The following YWHAQ variants were observed in gnomAD, a reference collection of about 807,000 sequenced individuals.
YWHAQ encodes the protein 14-3-3 protein theta.
Under a neutral mutation model 28.3 loss-of-function variants are expected in YWHAQ, and 6 were observed. The observed-to-expected ratio is 0.21, with a 90% CI of 0.12 to 0.42. The LOEUF is 0.42. Ranked by LOEUF, YWHAQ falls within the 10% of genes least tolerant of loss-of-function variation. The pLI is 1.00. For synonymous variants in YWHAQ, 143 were observed against 119.1 expected, an observed-to-expected ratio of 1.20 and a Z score of -1.31; for missense variants, 201 against 305.6, an observed-to-expected ratio of 0.66 and a Z score of 2.55.
intron 2 of YWHAQ, among the ~76,000 whole-genome samples, chr2:9,608,961 A>AAACAAACAAAAAT (rs1223359604): frequency 6.6e-6 from 1 of 152,166 alleles, no homozygotes; most frequent in Non-Finnish European, 1.5e-5. Flanking sequence ...ACAAACAAAC[A>AAACAAACAAAAAT]AACAAAAATA....
At chr2:9,592,724 AAAAAACAAAAAC>A (rs554575086) in intron 2 of YWHAQ, among the ~76,000 whole-genome samples, 2 of 152,150 alleles carry the variant, frequency 1.3e-5, no homozygotes, top group Non-Finnish European at 2.9e-5. Flanking sequence ...ACTCCATCTC[AAAAAACAAAAAC>A]AAAAACAAAA....
intron 2 of YWHAQ, among the ~76,000 whole-genome samples, chr2:9,603,643 C>A (rs1312644206): frequency 2.6e-5 from 4 of 151,638 alleles, no homozygotes; most frequent in Non-Finnish European, 5.9e-5. Flanking sequence ...ATAAAATAGG[C>A]CAGGCATGGT....
At chr2:9,620,460 T>C (rs1046492999) in intron 2 of YWHAQ, among the ~76,000 whole-genome samples, 4 of 152,346 alleles carry the variant, frequency 2.6e-5, no homozygotes, top group African/African-American at 7.2e-5. Flanking sequence ...CCTGACTTAC[T>C]GCCTCCAAAA....
At chr2:9,624,751 C>CTT (rs368023264) in intron 2 of YWHAQ, among the ~76,000 whole-genome samples, 13 of 146,054 alleles carry the variant, frequency 8.9e-5, no homozygotes, top group Non-Finnish European at 1.7e-4. Flanking sequence ...CTATTTCACT[C>CTT]TTTTTTTTTT....
Position 9,630,505 on chromosome 2 carries a change from G to A in YWHAQ, c.-53C>T. On this transcript the variant is annotated 5_prime_UTR_variant, in exon 2 of 6. Coordinates refer to ENST00000238081, the MANE Select transcript of YWHAQ (RefSeq NM_006826.4). The surrounding 1 kb of genome is among the most constrained non-coding windows in gnomAD (Gnocchi z 5.6). ...GAGGGCGAGGAGAGCGAGGGCGAGCGCCGACCCGCAGCGGGAGGAGCCTCG... is the reference window on the plus strand; with the variant it reads ...GAGGGCGAGGAGAGCGAGGGCGAGCACCGACCCGCAGCGGGAGGAGCCTCG... The A allele has an allele frequency of 6.8e-7, 1 of 1,480,780 alleles. No homozygotes were observed. The highest frequency in any genetic ancestry group is 9.0e-7 in the Non-Finnish European group (1 of 1,116,250). 91.7% of individuals were successfully genotyped at this position (1,480,780 alleles called of 1,614,324 possible).
intron 2 of YWHAQ, among the ~76,000 whole-genome samples, chr2:9,629,677 C>T (rs1451908554): frequency 2.0e-5 from 3 of 152,170 alleles, no homozygotes; most frequent in Non-Finnish European, 4.4e-5. Flanking sequence ...GATACTCTTA[C>T]TTGAAAAATA....
At position 9,630,302 on chromosome 2, in the gene YWHAQ, C is replaced by G; in HGVS notation, c.151G>C (p.Val51Leu). The G allele has an allele frequency of 6.2e-7, 1 of 1,614,170 alleles. No individual in the cohort carries two copies. Among genetic ancestry groups the G allele is most frequent in the Non-Finnish European group, 8.5e-7 (1 of 1,180,038 alleles). ...RNLLSVAYKN[V>L]VGGRRSAWRV... ...CAGGCGGACCTGCGGCCCCCGACCA[C>G]GTTCTTGTAGGCCACGGAGAGCAGG... is the stretch of plus-strand genomic sequence containing the variant. The change falls in exon 2 of 6, where the codon GTG (valine) becomes CTG (leucine). Residue 51 changes from valine to leucine, a missense_variant. By Grantham distance (32) the Val-to-Leu change is conservative. This residue lies in a region of YWHAQ where 162 missense variants were observed against 213.9 expected (regional missense o/e 0.76). Coordinates refer to ENST00000238081, the MANE Select transcript of YWHAQ (RefSeq NM_006826.4). This position sits in a 1 kb window ranked among gnomAD's most constrained non-coding sequence, Gnocchi z 5.6.
At chr2:9,592,356 T>C (rs1368372197) in intron 2 of YWHAQ, among the ~76,000 whole-genome samples, 6 of 151,964 alleles carry the variant, frequency 3.9e-5, no homozygotes. Flanking sequence ...CCTTGGAGTA[T>C]AAAAAGTCAC....
At chr2:9,591,038 T>C (rs1558541265) in intron 3 of YWHAQ, among the ~76,000 whole-genome samples, 1 of 152,158 alleles carries the variant, frequency 6.6e-6, no homozygotes, top group African/African-American at 2.4e-5. Context: ...TAAGGCATAA[T>C]AGAAAGGCCA....
intron 2 of YWHAQ, among the ~76,000 whole-genome samples, chr2:9,605,482 AT>A (rs756718680): frequency 1.3e-5 from 2 of 152,160 alleles, no homozygotes; most frequent in East Asian, 3.9e-4. Context: ...TTTTAAAAAA[AT>A]CCTCACTTGA....
At chr2:9,602,837 AAAAAAAAAAAAAAAAAAAAAAAAAAATAT>A (rs1263162053) in intron 2 of YWHAQ, among the ~76,000 whole-genome samples, 4 of 23,842 alleles carry the variant, frequency 1.7e-4, no homozygotes, top group African/African-American at 6.2e-4. Context: ...TTTAAAAAAA[AAAAAAAAAAAAAAAAAAAAAAAAAAATAT>A]ATATATATAT....
At chr2:9,627,145 C>T (rs867828325) in intron 2 of YWHAQ, among the ~76,000 whole-genome samples, 23 of 152,264 alleles carry the variant, frequency 1.5e-4, no homozygotes, top group African/African-American at 5.5e-4. Flanking sequence ...CTTTCAATAC[C>T]GTGATTATCA....
intron 2 of YWHAQ, among the ~76,000 whole-genome samples, chr2:9,594,084 G>T (rs1248798788): frequency 6.6e-6 from 1 of 151,720 alleles, no homozygotes; most frequent in Non-Finnish European, 1.5e-5. Context: ...TCAAAATTGT[G>T]GCTCAAGTTG....
At chr2:9,621,722 A>G (rs1667146325) in intron 2 of YWHAQ, among the ~76,000 whole-genome samples, 1 of 152,206 alleles carries the variant, frequency 6.6e-6, no homozygotes, top group Admixed American at 6.5e-5. Context: ...ATTCTACTAT[A>G]AAGACACATG....
At chr2:9,595,698 C>CA (rs34902007) in intron 2 of YWHAQ, among the ~76,000 whole-genome samples, 1,859 of 75,198 alleles carry the variant, frequency 0.025, 29 homozygotes, top group East Asian at 0.066. Context: ...AATTCCATCT[C>CA]AAAAAAAAAA....
At chr2:9,612,533 C>A (rs1244336732) in intron 2 of YWHAQ, among the ~76,000 whole-genome samples, 1 of 152,182 alleles carries the variant, frequency 6.6e-6, no homozygotes, top group Non-Finnish European at 1.5e-5. Flanking sequence ...TGCCATTACA[C>A]AAAAGGAGTT....
intron 2 of YWHAQ, chr2:9,615,412 A>G (rs1005287301): frequency 1.3e-5 from 2 of 152,034 alleles, no homozygotes; most frequent in Admixed American, 6.5e-5. Flanking sequence ...TAAAAAGAAA[A>G]AAAAAAAAAG....
At chr2:9,629,356 T>C (rs968473410) in intron 2 of YWHAQ, among the ~76,000 whole-genome samples, 3 of 152,192 alleles carry the variant, frequency 2.0e-5, no homozygotes, top group African/African-American at 7.2e-5. Context: ...AAAAGATCCA[T>C]GGAATGACAA....
intron 5 of YWHAQ, 69 bp downstream of exon 5, chr2:9,587,342 CGAA>C (rs906329444): frequency 5.8e-6 from 8 of 1,380,214 alleles, no homozygotes; most frequent in Non-Finnish European, 8.0e-6. Flanking sequence ...CTAAAAGACA[CGAA>C]GTCCAAAATA....
Sources: allele counts gnomAD v4.1 joint callset (sites outside exome capture counted in the v4.1 genomes callset), GRCh38; gene constraint gnomAD v4.1.1; regional missense constraint gnomAD v4.1.1; non-coding constraint Gnocchi (gnomAD v3.1); transcripts MANE v1.5; gene names NCBI Gene and HGNC (gene_info 2026-07-23, HGNC 2026-07-21).